The following NFIC variants were observed in gnomAD, a reference collection of about 807,000 sequenced individuals.
NFIC encodes the protein nuclear factor 1 C-type.
NFIC carries 12 observed loss-of-function variants against 54.4 expected under a neutral mutation model. The ratio of observed to expected loss-of-function variants is 0.22; its 90% CI spans 0.14 to 0.36. The LOEUF is 0.36. NFIC is among the 10% of genes least tolerant of loss of function. NFIC has a pLI of 1.00. For missense variants in NFIC, 575 were observed against 718.2 expected (o/e 0.80, Z 2.28); for synonymous variants, 322 against 319.2 (o/e 1.01, Z -0.09).
intron 1 of NFIC, chr19:3,371,711 C>A (rs2081013622): frequency 6.6e-6 from 1 of 152,120 alleles, no homozygotes; most frequent in South Asian, 2.1e-4. Flanking sequence ...TTGAACACCC[C>A]AGAGGCATTT....
Position 3,369,386 on chromosome 19 carries a change from C to T in NFIC, c.30+2720C>T, listed in dbSNP as rs1393567888. 1.3e-5 allele frequency among the ~76,000 whole-genome samples: 2 copies of T among 152,182 alleles called. No homozygotes were observed. The highest frequency in any genetic ancestry group is 6.5e-5 in the Admixed American group (1 of 15,278). On this transcript the variant is annotated intron_variant, in intron 1 of 10. Coordinates refer to ENST00000443272, the MANE Select transcript of NFIC (RefSeq NM_001245002.2). The surrounding 1 kb of genome is among the most constrained non-coding windows in gnomAD (Gnocchi z 4.3). Reference sequence around the variant, plus strand: ...CATGTGTCTCCTTACTCCTCTCTCTCTGTCTCTCTCTGTCTCTGGGCCTCC... The same window carrying T: ...CATGTGTCTCCTTACTCCTCTCTCTTTGTCTCTCTCTGTCTCTGGGCCTCC...
At chr19:3,398,070 T>C (rs138959340) in intron 2 of NFIC, among the ~76,000 whole-genome samples, 2 of 152,252 alleles carry the variant, frequency 1.3e-5, no homozygotes, top group African/African-American at 4.8e-5. Context: ...TTGCACACAG[T>C]TGACACTCTT....
chr19:3,427,508 ATG>A (rs1434401074), intron 3 of NFIC, among the ~76,000 whole-genome samples: 2 of 152,144 alleles, frequency 1.3e-5, no homozygotes, highest in East Asian at 3.9e-4. Flanking sequence ...GAGAGGATAT[ATG>A]GGGAGAGGAA....
In NFIC at chr19:3,468,145, G is replaced by C. The variant is rs1430626277; in HGVS notation, c.*5376G>C. On this transcript the variant is annotated 3_prime_UTR_variant, in exon 11 of 11. Coordinates refer to ENST00000443272, the MANE Select transcript of NFIC (RefSeq NM_001245002.2). Reference sequence around the variant, plus strand: ...TACCAAAACAGACTTTTCCCAAGCAGTGCCTCACATGTCTGCTGGTGTGGC... The same window carrying C: ...TACCAAAACAGACTTTTCCCAAGCACTGCCTCACATGTCTGCTGGTGTGGC... 1 of 152,068 alleles carries C rather than the reference G, an allele frequency of 6.6e-6. No homozygotes were observed. The highest frequency in any genetic ancestry group is 1.5e-5 in the Non-Finnish European group (1 of 68,050). The allele number at this position is 152,068 out of a possible 1,614,324, so 9.4% of individuals were successfully genotyped here.
In NFIC at chr19:3,435,876, G is replaced by C. The variant is rs975281046; in HGVS notation, c.958+669G>C. The stretch of plus-strand genomic sequence containing the variant: ...AGTTTCGCTCTTGTTGCCCAGGCTG[G>C]AGTGCAATGGCGCGATCTCCGCTCA... On this transcript the variant is annotated intron_variant, in intron 6 of 10. Coordinates refer to ENST00000443272, the MANE Select transcript of NFIC (RefSeq NM_001245002.2). Among the ~76,000 whole-genome samples the C allele has an allele frequency of 8.5e-5, 13 of 152,090 alleles. No homozygotes were observed. In the East Asian group the frequency reaches 2.3e-3, roughly 27 times the overall value.
Position 3,452,407 on chromosome 19 carries a change from G to A in NFIC, c.1085-75G>A. The stretch of plus-strand genomic sequence containing the variant: ...GATGCCGGCAGGAATGACACCCACA[G>A]ACACACAGTCACACGGTCACAGAGC... On this transcript the variant is annotated intron_variant, in intron 7 of 10. Coordinates refer to ENST00000443272, the MANE Select transcript of NFIC (RefSeq NM_001245002.2). This position sits in a 1 kb window ranked among gnomAD's most constrained non-coding sequence, Gnocchi z 5.3. The A allele has an allele frequency of 1.9e-6, 3 of 1,558,520 alleles. No homozygotes were observed. The highest frequency in any genetic ancestry group is 2.6e-6 in the Non-Finnish European group (3 of 1,146,190).
At chr19:3,435,047 C>T in intron 5 of NFIC, 36 bp from the exon 6 acceptor site, 1 of 1,544,416 alleles carries the variant, frequency 6.5e-7, no homozygotes, top group Non-Finnish European at 8.8e-7. Flanking sequence ...CCGCGTCTCC[C>T]TGGTAACCAG....
At chr19:3,454,629 C>T (rs1396421177) in intron 9 of NFIC, among the ~76,000 whole-genome samples, 1 of 152,036 alleles carries the variant, frequency 6.6e-6, no homozygotes, top group Non-Finnish European at 1.5e-5. Flanking sequence ...CCCCACGACC[C>T]CCATGCAGGC....
chr19:3,382,668 G>A (rs915729871), intron 2 of NFIC, among the ~76,000 whole-genome samples: 3 of 149,914 alleles, frequency 2.0e-5, no homozygotes, highest in Admixed American at 6.6e-5. Context: ...TGGTCCAAGC[G>A]GGGAGGCGGG....
At chr19:3,425,820 T>C (rs1249644987) in intron 3 of NFIC, among the ~76,000 whole-genome samples, 1 of 150,512 alleles carries the variant, frequency 6.6e-6, no homozygotes, top group Non-Finnish European at 1.5e-5. Flanking sequence ...AGTGACACCA[T>C]CCTAGCTCAC....
At chr19:3,366,556 C>CGGG (rs1191836660), upstream of NFIC, 57 of 493,130 alleles carry the variant, frequency 1.2e-4, no homozygotes, top group Admixed American at 2.8e-4. Flanking sequence ...TTGGGGGGGG[C>CGGG]GGGGGGGTGG....
chr19:3,407,860 C>T (rs547827580), intron 2 of NFIC, among the ~76,000 whole-genome samples: 1 of 152,056 alleles, frequency 6.6e-6, no homozygotes, highest in Non-Finnish European at 1.5e-5. Flanking sequence ...CAAAGTATGG[C>T]TGGAGGTTTC....
Position 3,381,571 on chromosome 19 carries a change from G to C in NFIC, c.31-141G>C, listed in dbSNP as rs544338288. 25 of 1,303,830 alleles carry C rather than the reference G, an allele frequency of 1.9e-5. No individual in the cohort carries two copies. In the African/African-American group the frequency reaches 3.3e-4, roughly 17 times the overall value. 80.8% of individuals were successfully genotyped at this position (1,303,830 alleles called of 1,614,324 possible). ...CCGGCGGCGTGCACGGGTCCGCAGC[G>C]ACCCCCTGCCCACCTCTGCCCAGCC... On this transcript the variant is annotated intron_variant, in intron 1 of 10. Transcript: ENST00000443272.
intron 2 of NFIC, among the ~76,000 whole-genome samples, chr19:3,405,279 C>G (rs894393500): frequency 6.6e-6 from 1 of 152,198 alleles, no homozygotes; most frequent in Non-Finnish European, 1.5e-5. Flanking sequence ...CTCTCGGGCC[C>G]CCCCAGGTCA....
rs548178624 is a variant in NFIC, at chr19:3,403,029, A to G, written c.562+20786A>G. ...CAAGCATTTATTTTGCACCTGCTGT[A>G]TACCAGATCCTATCAGGAGAATCCC... On this transcript the variant is annotated intron_variant, in intron 2 of 10. Transcript: ENST00000443272. Among the ~76,000 whole-genome samples, 94 of 152,364 alleles carry G rather than the reference A, an allele frequency of 6.2e-4. 1 individual carries two copies. The highest frequency in any genetic ancestry group is 2.9e-5 in the Non-Finnish European group (2 of 68,032).
At chr19:3,394,533 C>CT (rs1303364002) in intron 2 of NFIC, among the ~76,000 whole-genome samples, 1 of 110,648 alleles carries the variant, frequency 9.0e-6, no homozygotes, top group Non-Finnish European at 1.8e-5. Context: ...ACCCCCCACC[C>CT]GCTTACACTA....
chr19:3,367,110 C>G (rs1376651041), intron 1 of NFIC, among the ~76,000 whole-genome samples: 2 of 152,152 alleles, frequency 1.3e-5, no homozygotes, highest in African/African-American at 4.8e-5. Context: ...GACCCTGGGT[C>G]TCCCCAGCTG....
At position 3,452,208 on chromosome 19, in the gene NFIC, C is replaced by A. The variant is rs1312779684; in HGVS notation, c.1085-274C>A. On this transcript the variant is annotated intron_variant, in intron 7 of 10. Coordinates refer to ENST00000443272, the MANE Select transcript of NFIC (RefSeq NM_001245002.2). This position sits in a 1 kb window ranked among gnomAD's most constrained non-coding sequence, Gnocchi z 5.3. ...ATCGCTTGAGCCCAGGAGTTCGAGA[C>A]CTGCCTGGGCAACATAGCAAGACCC... Among the ~76,000 whole-genome samples, 1 of 151,862 alleles carries A rather than the reference C, an allele frequency of 6.6e-6. No individual in the cohort carries two copies. Among genetic ancestry groups the A allele is most frequent in the Non-Finnish European group, 1.5e-5 (1 of 67,978 alleles).
rs1434444008 is a variant in NFIC at position 3,464,524 on chromosome 19, C to G, written c.*1755C>G. The G allele has an allele frequency of 1.1e-6, 1 of 910,510 alleles. No homozygotes were observed. The highest frequency in any genetic ancestry group is 5.1e-5 in the South Asian group (1 of 19,646). 56.4% of individuals were successfully genotyped at this position (910,510 alleles called of 1,614,324 possible). A position where few individuals can be genotyped will look rare whatever the true frequency, so the allele number is the denominator to read the frequency against. On this transcript the variant is annotated 3_prime_UTR_variant, in exon 11 of 11. Coordinates refer to ENST00000443272, the MANE Select transcript of NFIC (RefSeq NM_001245002.2). ...GAGCTCAAACACAAGGACCCCTCCC[C>G]GGCCCACCCAGCCCAGCCCCAACTG...
Sources: gnomAD v4.1 joint callset for allele counts (sites outside exome capture counted in the v4.1 genomes callset) on GRCh38, gnomAD v4.1.1 for gene constraint, Gnocchi (gnomAD v3.1) non-coding constraint, MANE v1.5 for transcripts, NCBI Gene and HGNC (gene_info 2026-07-23, HGNC 2026-07-21) for gene names.